UBE2Q2: variants seen among roughly 807,000 people sequenced by gnomAD.
UBE2Q2 encodes ubiquitin conjugating enzyme E2 Q2.
UBE2Q2 carries 54 observed loss-of-function variants against 59.9 expected under a neutral mutation model. The ratio of observed to expected loss-of-function variants is 0.90; its 90% CI spans 0.72 to 1.13. The LOEUF is 1.13. Ranked by LOEUF, UBE2Q2 falls within the 50% of genes most tolerant of loss-of-function variation. The probability of loss-of-function intolerance (pLI) is 0.00; values close to 1 mark genes in which losing one functional copy is unlikely to be tolerated. For missense variants in UBE2Q2, 433 were observed against 441.9 expected (o/e 0.98, Z 0.18); for synonymous variants, 165 against 155.2 (o/e 1.06, Z -0.47).
At chr15:75,886,333 T>C (rs575262244) in intron 9 of UBE2Q2, among the ~76,000 whole-genome samples, 2 of 152,116 alleles carry the variant, frequency 1.3e-5, no homozygotes, top group East Asian at 3.9e-4. Flanking sequence ...TTGGCCAGGC[T>C]GGTCTCAAAC....
intron 5 of UBE2Q2, among the ~76,000 whole-genome samples, chr15:75,874,631 A>T (rs1320996902): frequency 3.3e-5 from 5 of 152,178 alleles, no homozygotes; most frequent in African/African-American, 1.2e-4. Context: ...TGAAAAGAAC[A>T]CTGAGTCTGG....
chr15:75,877,834 C>A, intron 6 of UBE2Q2, 127 bp from the exon 7 acceptor site: 1 of 658,946 alleles, frequency 1.5e-6, no homozygotes. Context: ...TACTATATAG[C>A]TTAGTTGTTC....
At chr15:75,889,676 G>A (rs1039499477) in intron 9 of UBE2Q2, among the ~76,000 whole-genome samples, 1 of 152,134 alleles carries the variant, frequency 6.6e-6, no homozygotes, top group Non-Finnish European at 1.5e-5. Context: ...CTTAGCTTTT[G>A]TGTTTTCAAA....
At chr15:75,847,027 A>G (rs909621752) in intron 1 of UBE2Q2, among the ~76,000 whole-genome samples, 5 of 151,952 alleles carry the variant, frequency 3.3e-5, no homozygotes, top group African/African-American at 1.2e-4. Flanking sequence ...TCATGCTGTT[A>G]TTTCCCCTTC....
chr15:75,859,522 A>AT (rs1897103724), intron 2 of UBE2Q2, among the ~76,000 whole-genome samples: 1 of 151,858 alleles, frequency 6.6e-6, no homozygotes, highest in Non-Finnish European at 1.5e-5. Context: ...TTTTGTTTTT[A>AT]TTTTTTTGGT....
chr15:75,845,276 G>A (rs181633591), intron 1 of UBE2Q2, among the ~76,000 whole-genome samples: 1 of 152,290 alleles, frequency 6.6e-6, no homozygotes, highest in East Asian at 1.9e-4. Context: ...ATTTTAGACT[G>A]AGGAAACTCC....
intron 1 of UBE2Q2, among the ~76,000 whole-genome samples, chr15:75,852,215 G>A (rs1273333042): frequency 6.6e-6 from 1 of 152,000 alleles, no homozygotes; most frequent in African/African-American, 2.4e-5. Flanking sequence ...ACCTTTTGTT[G>A]CCCTTCCTTT....
chr15:75,877,517 C>T (rs569702476), intron 6 of UBE2Q2, among the ~76,000 whole-genome samples: 1 of 151,026 alleles, frequency 6.6e-6, no homozygotes, highest in South Asian at 2.1e-4. Context: ...TTTGTTAAAG[C>T]ATATCCATAA....
At chr15:75,876,024 C>T (rs1898056397) in intron 5 of UBE2Q2, among the ~76,000 whole-genome samples, 163 bp from the exon 6 acceptor site, 1 of 144,724 alleles carries the variant, frequency 6.9e-6, no homozygotes. Flanking sequence ...GAGATTGCGC[C>T]ACTGCACTCC....
chr15:75,860,991 G>T (rs983939294), intron 3 of UBE2Q2, among the ~76,000 whole-genome samples: 1 of 152,192 alleles, frequency 6.6e-6, no homozygotes, highest in African/African-American at 2.4e-5. Context: ...ACCGTGATAG[G>T]TTTGAATCTT....
At chr15:75,844,950 A>G (rs1468688663) in intron 1 of UBE2Q2, among the ~76,000 whole-genome samples, 1 of 151,314 alleles carries the variant, frequency 6.6e-6, no homozygotes, top group Non-Finnish European at 1.5e-5. Flanking sequence ...CTATCTGGGC[A>G]GAAGGTGTGT....
At chr15:75,888,816 T>C (rs1898934944) in intron 9 of UBE2Q2, among the ~76,000 whole-genome samples, 1 of 152,114 alleles carries the variant, frequency 6.6e-6, no homozygotes, top group Non-Finnish European at 1.5e-5. Context: ...GACCTGAAAA[T>C]CCAAAAACTC....
At chr15:75,877,861 A>C in intron 6 of UBE2Q2, 100 bp from the exon 7 acceptor site, 1 of 1,065,332 alleles carries the variant, frequency 9.4e-7, no homozygotes, top group South Asian at 1.7e-5. Context: ...TTAAGAGCAA[A>C]ATTTCTAGCT....
At chr15:75,854,241 C>T (rs1430129942) in intron 1 of UBE2Q2, 145 bp from the exon 2 acceptor site, 12 of 543,322 alleles carry the variant, frequency 2.2e-5, no homozygotes, top group Non-Finnish European at 3.2e-6. Context: ...AGTCCAGCTC[C>T]TCACAAGGTT....
intron 4 of UBE2Q2, among the ~76,000 whole-genome samples, chr15:75,872,197 C>T (rs1463024922): frequency 6.6e-6 from 1 of 151,856 alleles, no homozygotes. Flanking sequence ...CACTGTACTC[C>T]AGCCGGGGCA....
At chr15:75,880,418 A>G (rs1455181559) in intron 8 of UBE2Q2, among the ~76,000 whole-genome samples, 1 of 151,896 alleles carries the variant, frequency 6.6e-6, no homozygotes, top group Non-Finnish European at 1.5e-5. Flanking sequence ...TGGCCTAATA[A>G]GTATTTTAAA....
intron 3 of UBE2Q2, among the ~76,000 whole-genome samples, chr15:75,863,252 C>T (rs78890153): frequency 0.015 from 2,332 of 152,236 alleles, 25 homozygotes; most frequent in African/African-American, 0.031. Flanking sequence ...GTTGGCTTTG[C>T]TCCATTAATT....
Position 75,899,539 on chromosome 15 carries a change from C to A in UBE2Q2, c.*81C>A. The A allele has an allele frequency of 8.8e-7, 1 of 1,141,186 alleles. No homozygotes were observed. The highest frequency in any genetic ancestry group is 1.3e-6 in the Non-Finnish European group (1 of 786,042). The allele number at this position is 1,141,186 out of a possible 1,614,324, so 70.7% of individuals were successfully genotyped here. A position where few individuals can be genotyped will look rare whatever the true frequency, so the allele number is the denominator to read the frequency against. On this transcript the variant is annotated 3_prime_UTR_variant, in exon 13 of 13. Coordinates refer to ENST00000267938, the MANE Select transcript of UBE2Q2 (RefSeq NM_173469.4). ...CATGCAGACAAAAGCTTTGAGTGCC[C>A]CTATTACAGCAGTACCGAAGATGTT...
chr15:75,896,948 T>C, intron 11 of UBE2Q2, 47 bp from the exon 12 acceptor site: 1 of 1,240,414 alleles, frequency 8.1e-7, no homozygotes, highest in Non-Finnish European at 1.1e-6. Context: ...TTGTAATAAT[T>C]TTCACCTAAT....
Sources: gnomAD v4.1 joint callset for allele counts (sites outside exome capture counted in the v4.1 genomes callset) on GRCh38, gnomAD v4.1.1 for gene constraint, MANE v1.5 for transcripts, NCBI Gene and HGNC (gene_info 2026-07-23, HGNC 2026-07-21) for gene names.